LAMC1: variants seen among roughly 807,000 people sequenced by gnomAD.
LAMC1 encodes laminin subunit gamma-1.
In LAMC1, 38 loss-of-function variants were observed where a neutral mutation model predicts 173.6. The observed-to-expected ratio is 0.22, with a 90% confidence interval of 0.17 to 0.29. LAMC1 has a LOEUF of 0.29. LAMC1 is among the 10% of genes least tolerant of loss of function. LAMC1 has a pLI of 1.00. For synonymous variants in LAMC1, 746 were observed against 749.1 expected, an observed-to-expected ratio of 1.00 and a Z score of 0.07; for missense variants, 1,824 against 2,051.8, an observed-to-expected ratio of 0.89 and a Z score of 2.14.
intron 1 of LAMC1, among the ~76,000 whole-genome samples, chr1:183,032,520 C>G (rs1558027204): frequency 6.7e-6 from 1 of 148,538 alleles, no homozygotes; most frequent in African/African-American, 2.5e-5. Flanking sequence ...ACATTGCTTG[C>G]TTTTTTTTTT....
At chr1:183,035,262 C>A (rs1037072884) in intron 1 of LAMC1, among the ~76,000 whole-genome samples, 1 of 152,228 alleles carries the variant, frequency 6.6e-6, no homozygotes, top group African/African-American at 2.4e-5. Context: ...GATCCTATTT[C>A]ATTGCAGCCT....
At chr1:183,115,385 C>A in intron 5 of LAMC1, 135 bp from the exon 6 acceptor site, 1 of 655,406 alleles carries the variant, frequency 1.5e-6, no homozygotes, top group Non-Finnish European at 2.7e-6. Flanking sequence ...TTTTTATTAC[C>A]TTTGTGACCA....
chr1:183,070,839 A>G (rs1654992918), intron 1 of LAMC1, among the ~76,000 whole-genome samples: 1 of 152,144 alleles, frequency 6.6e-6, no homozygotes, highest in Admixed American at 6.6e-5. Context: ...GTAACTGAGC[A>G]GTGGGTAGGG....
At chr1:183,052,009 T>G (rs1654437906) in intron 1 of LAMC1, among the ~76,000 whole-genome samples, 1 of 152,188 alleles carries the variant, frequency 6.6e-6, no homozygotes, top group South Asian at 2.1e-4. Context: ...ATTTCTCTGA[T>G]AAAAAATCAT....
chr1:183,048,118 A>G (rs1654313859), intron 1 of LAMC1, among the ~76,000 whole-genome samples: 2 of 152,198 alleles, frequency 1.3e-5, no homozygotes, highest in African/African-American at 4.8e-5. Context: ...TAAAATATCA[A>G]ATGTAAATAA....
intron 1 of LAMC1, among the ~76,000 whole-genome samples, chr1:183,047,653 A>C (rs565271934): frequency 1.3e-5 from 2 of 152,322 alleles, no homozygotes; most frequent in African/African-American, 4.8e-5. Flanking sequence ...TAAACACTAC[A>C]GAAGTAGTTC....
In LAMC1 at chr1:183,112,588, A is replaced by G. The variant is rs117685960; in HGVS notation, c.1021+1934A>G. Among the ~76,000 whole-genome samples the G allele has an allele frequency of 2.6e-5, 4 of 152,164 alleles. No homozygotes were observed. In the East Asian group the frequency reaches 7.7e-4, roughly 29 times the overall value. On this transcript the variant is annotated intron_variant, in intron 4 of 27. Coordinates refer to ENST00000258341, the MANE Select transcript of LAMC1 (RefSeq NM_002293.4). ...GATGCTAGGGCTAGGGAAGAGAACT[A>G]CCTTCTCTCAAGGAGGGAGCCATGG...
chr1:183,077,776 G>GTGTGTGTGTATATATATATATATA, intron 1 of LAMC1, among the ~76,000 whole-genome samples: 1,597 of 116,460 alleles, frequency 0.014, 113 homozygotes, highest in Middle Eastern at 0.037. Context: ...TGGCCATTGT[G>GTGTGTGTGTATATATATATATATA]TATATATATA....
At chr1:183,041,085 A>G (rs1654119861) in intron 1 of LAMC1, among the ~76,000 whole-genome samples, 1 of 152,216 alleles carries the variant, frequency 6.6e-6, no homozygotes, top group Non-Finnish European at 1.5e-5. Flanking sequence ...TTTAGATTTA[A>G]AAATGAAAAT....
intron 1 of LAMC1, among the ~76,000 whole-genome samples, chr1:183,039,888 G>T (rs563357641): frequency 6.6e-6 from 1 of 152,280 alleles, no homozygotes; most frequent in South Asian, 2.1e-4. Context: ...TAGAACCCCT[G>T]GGGAAAGGTA....
chr1:183,075,876 T>C (rs1655111231), intron 1 of LAMC1, among the ~76,000 whole-genome samples: 1 of 152,236 alleles, frequency 6.6e-6, no homozygotes, highest in Non-Finnish European at 1.5e-5. Context: ...TTAATTTCCT[T>C]TCAAACAGAT....
chr1:183,131,344 CT>C lies in LAMC1; in HGVS notation c.3536del (p.Leu1179TrpfsTer38). The C allele has an allele frequency of 6.2e-7, 1 of 1,613,816 alleles. No individual in the cohort carries two copies. The highest frequency in any genetic ancestry group is 8.5e-7 in the Non-Finnish European group (1 of 1,179,928). On this transcript the variant is annotated frameshift_variant, in exon 20 of 28. Coordinates refer to ENST00000258341, the MANE Select transcript of LAMC1 (RefSeq NM_002293.4). LOFTEE classifies it high-confidence loss of function. ...ESTGDPNNMT[L>X]LAEEARKLAE... is the part of the protein sequence containing the mutation. Reference sequence around the variant, plus strand: ...TACAGGGGACCCAAACAACATGACTCTTTTGGCAGAAGAGGCTCGAAAGCTT... The same window carrying C: ...TACAGGGGACCCAAACAACATGACTCTTTGGCAGAAGAGGCTCGAAAGCTT...
At chr1:183,134,972 CCTTGTCTGTCCAGGAGA>C in intron 23 of LAMC1, 53 bp from the exon 24 acceptor site, 2 of 1,401,834 alleles carry the variant, frequency 1.4e-6, no homozygotes, top group South Asian at 2.3e-5. Flanking sequence ...CTCTGGAGAG[CCTTGTCTGTCCAGGAGA>C]CAGAAGGGAT....
chr1:183,134,254 T>C (rs1656876057), intron 22 of LAMC1, among the ~76,000 whole-genome samples: 1 of 152,254 alleles, frequency 6.6e-6, no homozygotes, highest in Non-Finnish European at 1.5e-5. Flanking sequence ...TCTTTAGATA[T>C]GTACAGATTG....
At chr1:183,027,877 T>A (rs1028802209) in intron 1 of LAMC1, among the ~76,000 whole-genome samples, 2 of 152,230 alleles carry the variant, frequency 1.3e-5, no homozygotes, top group African/African-American at 4.8e-5. Flanking sequence ...AATAGCTCAC[T>A]GTGGTGACTT....
At chr1:183,090,020 C>T (rs1397243013) in intron 1 of LAMC1, among the ~76,000 whole-genome samples, 1 of 152,190 alleles carries the variant, frequency 6.6e-6, no homozygotes. Flanking sequence ...TCTGTTTTAA[C>T]CCTAAAAGGA....
Position 183,136,378 on chromosome 1 carries a change from T to G in LAMC1, c.4115-8T>G. 6.2e-7 allele frequency: 1 copy of G among 1,613,628 alleles called. No homozygotes were observed. The highest frequency in any genetic ancestry group is 1.1e-5 in the South Asian group (1 of 90,994). On this transcript the variant is annotated splice_region_variant and splice_polypyrimidine_tract_variant and intron_variant, in intron 24 of 27. Transcript: ENST00000258341. The stretch of plus-strand genomic sequence containing the variant: ...TTTAGCTCAAATGTGTCCTTGAACT[T>G]GTTTCAGATTTTGATAGGCGTGTGA...
At chr1:183,132,563 C>T in intron 21 of LAMC1, 26 bp downstream of exon 21, 5 of 1,591,772 alleles carry the variant, frequency 3.1e-6, no homozygotes, top group Non-Finnish European at 3.4e-6. Context: ...AAGTGGTTTA[C>T]ACCCCTTCAG....
chr1:183,092,626 G>A (rs1655593106), intron 1 of LAMC1, among the ~76,000 whole-genome samples: 1 of 152,102 alleles, frequency 6.6e-6, no homozygotes, highest in Non-Finnish European at 1.5e-5. Flanking sequence ...AATGGAAAGG[G>A]GCCTTCTAGA....
Sources: allele counts gnomAD v4.1 joint callset (sites outside exome capture counted in the v4.1 genomes callset), GRCh38; gene constraint gnomAD v4.1.1; transcripts MANE v1.5; gene names NCBI Gene and HGNC (gene_info 2026-07-23, HGNC 2026-07-21).